PPP3CB: variants seen among roughly 807,000 people sequenced by gnomAD.
PPP3CB encodes the protein protein phosphatase 3 catalytic subunit beta, also known as serine/threonine-protein phosphatase 2B catalytic subunit beta isoform.
Under a neutral mutation model 66.4 loss-of-function variants are expected in PPP3CB, and 8 were observed. The ratio of observed to expected loss-of-function variants is 0.12; its 90% CI spans 0.07 to 0.22. The LOEUF is 0.22. Among genes scored for constraint, PPP3CB ranks in the 10% least tolerant of loss-of-function variants. The pLI is 1.00. For synonymous variants in PPP3CB, 208 were observed against 221.2 expected, an observed-to-expected ratio of 0.94 and a Z score of 0.53; for missense variants, 319 against 642.5, an observed-to-expected ratio of 0.50 and a Z score of 5.44.
chr10:73,489,668 G>A (rs527923027), intron 1 of PPP3CB, among the ~76,000 whole-genome samples: 1 of 152,252 alleles, frequency 6.6e-6, no homozygotes, highest in South Asian at 2.1e-4. Flanking sequence ...TCCAGAGCTT[G>A]TGCTTTTAAT....
At chr10:73,485,321 T>G (rs562863138) in intron 1 of PPP3CB, among the ~76,000 whole-genome samples, 1 of 152,130 alleles carries the variant, frequency 6.6e-6, no homozygotes, top group Non-Finnish European at 1.5e-5. Flanking sequence ...CACAGACTGA[T>G]CAGGAATTGG....
At chr10:73,494,088 G>A (rs2057125831) in intron 1 of PPP3CB, among the ~76,000 whole-genome samples, 1 of 152,106 alleles carries the variant, frequency 6.6e-6, no homozygotes, top group African/African-American at 2.4e-5. Flanking sequence ...AGAAAATGAA[G>A]AGGTAGCCAA....
At chr10:73,460,265 C>CAAAAAAAAAAAAAAAAAAA (rs11447229) in intron 9 of PPP3CB, among the ~76,000 whole-genome samples, 4 of 35,816 alleles carry the variant, frequency 1.1e-4, no homozygotes, top group African/African-American at 2.8e-4. Flanking sequence ...AAAGTAATAG[C>CAAAAAAAAAAAAAAAAAAA]AAAAAAAAAA....
rs748755875 is a variant in PPP3CB, at chr10:73,477,137, G to A, written c.411+1362C>T. 29 of 516,532 alleles carry A rather than the reference G, an allele frequency of 5.6e-5. No homozygotes were observed. The East Asian group carries it at 1.6e-3, about 28-fold the overall frequency. 32.0% of individuals were successfully genotyped at this position (516,532 alleles called of 1,614,324 possible). On this transcript the variant is annotated intron_variant, in intron 3 of 13. Transcript: ENST00000360663. ...GCCTCAGGTTCCTCATCTATAAAAT[G>A]AATAAAACAACAGTACTTACCTCAT...
intron 10 of PPP3CB, among the ~76,000 whole-genome samples, chr10:73,451,404 TAA>T (rs1452603264): frequency 6.6e-6 from 1 of 152,072 alleles, no homozygotes; most frequent in Non-Finnish European, 1.5e-5. Context: ...ACACCAGTTG[TAA>T]TAGTAATAAG....
chr10:73,470,475 T>C (rs753162064), intron 8 of PPP3CB, among the ~76,000 whole-genome samples: 1 of 152,216 alleles, frequency 6.6e-6, no homozygotes, highest in Non-Finnish European at 1.5e-5. Flanking sequence ...CAAAATGGCT[T>C]TTCCAAGAGA....
chr10:73,475,034 C>T lies in PPP3CB; in HGVS notation c.412-4G>A. The T allele has an allele frequency of 6.2e-7, 1 of 1,605,244 alleles. No individual in the cohort carries two copies. The highest frequency in any genetic ancestry group is 8.5e-7 in the Non-Finnish European group (1 of 1,177,376). On this transcript the variant is annotated splice_polypyrimidine_tract_variant and splice_region_variant and intron_variant, in intron 3 of 13. Transcript: ENST00000360663. ...GAACCCATAAATATAAGACACACTG[C>T]AAAAGAAAATTTTTCTAGTGAATTT...
At chr10:73,471,886 G>A (rs376592506) in intron 4 of PPP3CB, among the ~76,000 whole-genome samples, 1 of 152,158 alleles carries the variant, frequency 6.6e-6, no homozygotes, top group Non-Finnish European at 1.5e-5. Flanking sequence ...GGTAGCAAGA[G>A]AGAACTTATG....
intron 1 of PPP3CB, among the ~76,000 whole-genome samples, chr10:73,488,027 C>T (rs111735405): frequency 0.057 from 8,711 of 151,858 alleles, 514 homozygotes; most frequent in East Asian, 0.29. Flanking sequence ...GTGATCCGCC[C>T]GCCTCCACCT....
At chr10:73,443,417 A>T (rs567451142) in intron 12 of PPP3CB, among the ~76,000 whole-genome samples, 36 of 152,308 alleles carry the variant, frequency 2.4e-4, no homozygotes, top group African/African-American at 7.9e-4. Flanking sequence ...TCAAATGTAA[A>T]TTCATTCAAA....
intron 12 of PPP3CB, among the ~76,000 whole-genome samples, chr10:73,441,604 G>A (rs2132754895): frequency 6.6e-6 from 1 of 152,284 alleles, no homozygotes; most frequent in African/African-American, 2.4e-5. Context: ...AGGGCATCTT[G>A]TCATGGCCTT....
chr10:73,464,865 A>G (rs2056593726), intron 9 of PPP3CB, among the ~76,000 whole-genome samples: 1 of 151,902 alleles, frequency 6.6e-6, no homozygotes, highest in Non-Finnish European at 1.5e-5. Context: ...CGGGGGATGG[A>G]CGTTGCAGTG....
At chr10:73,454,532 A>T (rs755947585) in intron 9 of PPP3CB, 43 bp from the exon 10 acceptor site, 10 of 1,354,764 alleles carry the variant, frequency 7.4e-6, no homozygotes, top group Non-Finnish European at 9.5e-6. Context: ...ACCATATATA[A>T]CTGTCTATAC....
intron 4 of PPP3CB, among the ~76,000 whole-genome samples, chr10:73,473,593 G>A (rs547973162): frequency 3.2e-4 from 49 of 152,128 alleles, no homozygotes; most frequent in African/African-American, 1.2e-3. Context: ...GGAGGTTGCT[G>A]TGAGCCGAGA....
rs887031795 is a variant in PPP3CB, at chr10:73,444,518, T to C, written c.1366+207A>G. The C allele has an allele frequency of 6.1e-6, 9 of 1,470,638 alleles. No homozygotes were observed. In the African/African-American group the frequency reaches 1.1e-4, roughly 18 times the overall value. The allele number at this position is 1,470,638 out of a possible 1,614,324, so 91.1% of individuals were successfully genotyped here. On this transcript the variant is annotated intron_variant, in intron 12 of 13. Transcript: ENST00000360663. Reference sequence around the variant, plus strand: ...CTGAGGAACTGACCATTATTTTCAATTGAAAGGAATACCCATTCTATCAGT... The same window carrying C: ...CTGAGGAACTGACCATTATTTTCAACTGAAAGGAATACCCATTCTATCAGT...
chr10:73,474,641 T>C (rs1212935058), intron 4 of PPP3CB, among the ~76,000 whole-genome samples: 1 of 151,672 alleles, frequency 6.6e-6, no homozygotes, highest in Non-Finnish European at 1.5e-5. Flanking sequence ...GGTTTCACCA[T>C]GTTGGCCAGG....
At chr10:73,478,772 A>G (rs2056829439) in intron 2 of PPP3CB, 149 bp from the exon 3 acceptor site, 2 of 667,174 alleles carry the variant, frequency 3.0e-6, no homozygotes, top group African/African-American at 1.8e-5. Flanking sequence ...CATGATTAGG[A>G]TGATGTGTAA....
chr10:73,495,853 G>A lies in PPP3CB; in HGVS notation c.37C>T (p.Pro13Ser). Reference sequence around the variant, plus strand: ...GGAGGGGGCGGCGGGGGCGGGGGTGGGGGCGGTGCAGCCCGGGCCGGCTCC... The same window carrying A: ...GGAGGGGGCGGCGGGGGCGGGGGTGAGGGCGGTGCAGCCCGGGCCGGCTCC... ...APEPARAAPP[P>S]PPPPPPPPGA... Residue 13 changes from proline to serine, a missense_variant, in exon 1 of 14, where the codon CCA becomes TCA. By Grantham distance (74) the Pro-to-Ser change is moderately conservative (BLOSUM62 -1). This residue lies in a region of PPP3CB where 104 missense variants were observed against 128.4 expected (regional missense o/e 0.81). Transcript: ENST00000360663. The A allele has an allele frequency of 6.8e-7, 1 of 1,465,622 alleles. No homozygotes were observed. Among genetic ancestry groups the A allele is most frequent in the Non-Finnish European group, 9.0e-7 (1 of 1,106,842 alleles). 90.8% of individuals were successfully genotyped at this position (1,465,622 alleles called of 1,614,324 possible).
chr10:73,456,255 T>C (rs1487998775), intron 9 of PPP3CB, among the ~76,000 whole-genome samples: 1 of 152,206 alleles, frequency 6.6e-6, no homozygotes, highest in Non-Finnish European at 1.5e-5. Context: ...AGTCTCTACC[T>C]TCAACAAGCT....
Sources: allele counts gnomAD v4.1 joint callset (sites outside exome capture counted in the v4.1 genomes callset), GRCh38; gene constraint gnomAD v4.1.1; regional missense constraint gnomAD v4.1.1; transcripts MANE v1.5; gene names NCBI Gene and HGNC (gene_info 2026-07-23, HGNC 2026-07-21).